The following LMO4 variants were observed in gnomAD, a reference collection of about 807,000 sequenced individuals.
LMO4 encodes LIM domain transcription factor LMO4.
In LMO4, 3 loss-of-function variants were observed where a neutral mutation model predicts 18.5. The observed-to-expected ratio is 0.16, with a 90% CI of 0.07 to 0.42. The LOEUF (loss-of-function observed/expected upper bound fraction) is 0.42. Ranked by LOEUF, LMO4 falls within the 10% of genes least tolerant of loss-of-function variation. The pLI is 0.99. For synonymous variants in LMO4, 100 were observed against 88.1 expected (o/e 1.14, Z -0.76); for missense variants, 121 against 219.9 (o/e 0.55, Z 2.84).
intron 2 of LMO4, 96 bp from the exon 3 acceptor site, chr1:87,339,440 C>T (rs1650409003): frequency 2.6e-6 from 2 of 767,028 alleles, no homozygotes; most frequent in South Asian, 1.7e-5. Context: ...CTGTCAAATG[C>T]ATTCCAAAGG....
chr1:87,335,140 C>T (rs1222911386), intron 2 of LMO4, among the ~76,000 whole-genome samples: 5 of 152,162 alleles, frequency 3.3e-5, no homozygotes, highest in Admixed American at 6.5e-5. Context: ...GGGACTGCCC[C>T]TTCCCCCACC....
intron 1 of LMO4, chr1:87,331,289 C>T (rs1212635358): frequency 6.6e-6 from 1 of 152,160 alleles, no homozygotes; most frequent in Non-Finnish European, 1.5e-5. Flanking sequence ...AGATGGCGGT[C>T]ACCACAATGG....
At chr1:87,331,854 C>T in intron 1 of LMO4, 159 bp from the exon 2 acceptor site, 2 of 601,406 alleles carry the variant, frequency 3.3e-6, no homozygotes, top group Non-Finnish European at 5.8e-6. Flanking sequence ...CCCTTCTTCC[C>T]TCTCCCCCTC....
intron 2 of LMO4, 137 bp downstream of exon 2, chr1:87,332,388 A>G (rs543794791): frequency 1.5e-6 from 1 of 658,862 alleles, no homozygotes; most frequent in African/African-American, 1.8e-5. Flanking sequence ...AGTTGGCGGA[A>G]TTTAAGGGGT....
In LMO4 at chr1:87,337,015, G is replaced by C. The variant is rs561540306; in HGVS notation, c.237-2521G>C. ...ACGCACACACAACTTTTCAGAAAAA[G>C]GGTGGAATTCTAATGGTAGCCTTCC... On this transcript the variant is annotated intron_variant, in intron 2 of 4. Coordinates refer to ENST00000370544, the MANE Select transcript of LMO4 (RefSeq NM_006769.4). Among the ~76,000 whole-genome samples the C allele has an allele frequency of 5.3e-5, 8 of 151,922 alleles. No individual in the cohort carries two copies. The East Asian group carries it at 1.5e-3, about 29-fold the overall frequency.
Position 87,348,768 on chromosome 1 carries a change from A to G in LMO4, c.*3972A>G. On this transcript the variant is annotated 3_prime_UTR_variant, in exon 5 of 5. Coordinates refer to ENST00000370544, the MANE Select transcript of LMO4 (RefSeq NM_006769.4). ...AGATATGTGCATGTTTCCTAGAGGG[A>G]ATGTTTTCAAGTTCAGATTGATTCT... The G allele has an allele frequency of 1.9e-6, 1 of 515,258 alleles. No homozygotes were observed. Among genetic ancestry groups the G allele is most frequent in the Non-Finnish European group, 3.9e-6 (1 of 258,158 alleles). The allele number at this position is 515,258 out of a possible 1,614,324, so 31.9% of individuals were successfully genotyped here.
intron 2 of LMO4, among the ~76,000 whole-genome samples, chr1:87,337,074 C>CA (rs1465305215): frequency 6.6e-6 from 1 of 152,172 alleles, no homozygotes. Context: ...TGTGTATAGA[C>CA]ACGTAAGTTA....
Position 87,332,137 on chromosome 1 carries a change from G to C in LMO4, c.122G>C (p.Ser41Thr). ...CGCTTTCTGCTCTATGCCATGGACA[G>C]CTATTGGCACAGCCGGTGCCTCAAG... is the stretch of plus-strand genomic sequence containing the variant. The part of the protein sequence containing the change: ...ADRFLLYAMD[S>T]YWHSRCLKCS... The change falls in exon 2 of 5, where the codon AGC (serine) becomes ACC (threonine). Residue 41 changes from serine (S) to threonine (T), a missense_variant. Around this residue, in one of 4 missense-constraint regions of LMO4, gnomAD observed 51 missense variants for 56.8 expected, o/e 0.90. Coordinates refer to ENST00000370544, the MANE Select transcript of LMO4 (RefSeq NM_006769.4). 2 of 1,614,244 alleles carry C rather than the reference G, an allele frequency of 1.2e-6. No homozygotes were observed. The highest frequency in any genetic ancestry group is 1.7e-6 in the Non-Finnish European group (2 of 1,180,042).
At position 87,330,000 on chromosome 1, in the gene LMO4, C is replaced by G. The variant is rs539979605; in HGVS notation, c.-4+756C>G. On this transcript the variant is annotated intron_variant, in intron 1 of 4. Transcript: ENST00000370544. Reference sequence around the variant, plus strand: ...AGTATAAGCCTATTTAACTTAAAAGCTTTCTTTTTTTTTTTTTTTTTTCCA... The same window carrying G: ...AGTATAAGCCTATTTAACTTAAAAGGTTTCTTTTTTTTTTTTTTTTTTCCA... Among the ~76,000 whole-genome samples the G allele has an allele frequency of 9.9e-5, 14 of 141,998 alleles. No homozygotes were observed. The East Asian group carries it at 2.9e-3, about 30-fold the overall frequency. 93.2% of individuals were successfully genotyped at this position (141,998 alleles called of 152,430 possible). A position where few individuals can be genotyped will look rare whatever the true frequency, so the allele number is the denominator to read the frequency against.
intron 4 of LMO4, among the ~76,000 whole-genome samples, chr1:87,343,096 A>G (rs892573532): frequency 7.9e-5 from 12 of 152,182 alleles, no homozygotes; most frequent in Non-Finnish European, 1.3e-4. Context: ...CTTAAAAGCA[A>G]TGAGTTGATT....
At chr1:87,342,024 G>T (rs1396978732) in intron 4 of LMO4, among the ~76,000 whole-genome samples, 1 of 152,158 alleles carries the variant, frequency 6.6e-6, no homozygotes, top group Non-Finnish European at 1.5e-5. Flanking sequence ...TAAAATGGTA[G>T]ACCTTCTCTC....
chr1:87,331,021 C>G (rs1175344541), intron 1 of LMO4, among the ~76,000 whole-genome samples: 3 of 143,870 alleles, frequency 2.1e-5, no homozygotes, highest in Non-Finnish European at 4.5e-5. Context: ...ACTTGTGCAT[C>G]CCTTAATGGT....
At position 87,348,592 on chromosome 1, in the gene LMO4, T is replaced by C. The variant is rs1650700100; in HGVS notation, c.*3796T>C. The stretch of plus-strand genomic sequence containing the variant: ...GTGTAGCACATTCGCCGATGCTGGG[T>C]ACCTAGTTAAAGAGGCATTTGTAGC... On this transcript the variant is annotated 3_prime_UTR_variant, in exon 5 of 5. Coordinates refer to ENST00000370544, the MANE Select transcript of LMO4 (RefSeq NM_006769.4). 2.3e-6 allele frequency: 1 copy of C among 431,416 alleles called. No homozygotes were observed. The highest frequency in any genetic ancestry group is 1.7e-5 in the South Asian group (1 of 60,174). 26.7% of individuals were successfully genotyped at this position (431,416 alleles called of 1,614,324 possible). A position where few individuals can be genotyped will look rare whatever the true frequency, so the allele number is the denominator to read the frequency against.
rs1276263709 is a variant in LMO4 at position 87,339,474 on chromosome 1, T to C, written c.237-62T>C. The C allele has an allele frequency of 4.0e-6, 5 of 1,246,984 alleles. No individual in the cohort carries two copies. The African/African-American group carries it at 4.5e-5, about 11-fold the overall frequency. 77.2% of individuals were successfully genotyped at this position (1,246,984 alleles called of 1,614,324 possible). Reference sequence around the variant, plus strand: ...GGGATGCCCAGAGTCTGGGGGTGTTTTTCTTTCTTTTTCTTTGGTTTAGGA... The same window carrying C: ...GGGATGCCCAGAGTCTGGGGGTGTTCTTCTTTCTTTTTCTTTGGTTTAGGA... On this transcript the variant is annotated intron_variant, in intron 2 of 4. Transcript: ENST00000370544.
chr1:87,339,507 C>G (rs768317939), intron 2 of LMO4, 29 bp from the exon 3 acceptor site: 9 of 1,516,656 alleles, frequency 5.9e-6, no homozygotes, highest in South Asian at 4.5e-5. Flanking sequence ...GGATTATTCA[C>G]TGGTGTCAAC....
chr1:87,340,208 T>C lies in LMO4; in HGVS notation c.489+6T>C. On this transcript the variant is annotated splice_donor_region_variant and intron_variant, in intron 4 of 4. Transcript: ENST00000370544. ...CACTACTGCCAGACCAGAAGGTGAA[T>C]ACCCAGCAATTACTAATAAGCTTTA... 2 of 1,613,650 alleles carry C rather than the reference T, an allele frequency of 1.2e-6. No individual in the cohort carries two copies. The highest frequency in any genetic ancestry group is 1.7e-6 in the Non-Finnish European group (2 of 1,179,836).
intron 2 of LMO4, among the ~76,000 whole-genome samples, chr1:87,338,471 G>A (rs1264816579): frequency 6.6e-6 from 1 of 152,086 alleles, no homozygotes; most frequent in Non-Finnish European, 1.5e-5. Context: ...AATCATTTTG[G>A]TCTGTTTAAT....
intron 1 of LMO4, 68 bp from the exon 2 acceptor site, chr1:87,331,945 G>A (rs1252826515): frequency 6.2e-6 from 8 of 1,287,840 alleles, no homozygotes; most frequent in Admixed American, 3.5e-5. Context: ...TCTCTCTCCG[G>A]CGATTACTAA....
intron 2 of LMO4, among the ~76,000 whole-genome samples, chr1:87,335,486 G>C (rs540908595): frequency 1.1e-4 from 17 of 151,990 alleles, no homozygotes; most frequent in Non-Finnish European, 2.4e-4. Context: ...CGGGAGCCGG[G>C]CGAGCGGGTC....
Sources: allele counts gnomAD v4.1 joint callset (sites outside exome capture counted in the v4.1 genomes callset), GRCh38; gene constraint gnomAD v4.1.1; regional missense constraint gnomAD v4.1.1; transcripts MANE v1.5; gene names NCBI Gene and HGNC (gene_info 2026-07-23, HGNC 2026-07-21).